The following ANO10 variants were observed in gnomAD, a reference collection of about 807,000 sequenced individuals.
ANO10 encodes the protein anoctamin 10.
A neutral mutation model predicts 74.7 loss-of-function variants in ANO10; 77 were observed. The observed-to-expected ratio is 1.03, with a 90% CI of 0.86 to 1.25. The LOEUF is 1.25. Ranked by LOEUF, ANO10 falls within the 50% of genes most tolerant of loss-of-function variation. The pLI is 0.00. For missense variants in ANO10, 721 were observed against 778.1 expected, an observed-to-expected ratio of 0.93 and a Z score of 0.87; for synonymous variants, 279 against 284.9, an observed-to-expected ratio of 0.98 and a Z score of 0.21.
chr3:43,671,839 TA>T lies in ANO10; in HGVS notation c.-12+19677del, dbSNP rs1160621669. On this transcript the variant is annotated intron_variant, in intron 1 of 3. Coordinates refer to the ANO10 transcript ENST00000413397. ...CCACCTGCAGCATAAGAAATTACATTAAATAAGAGACTTCACTAAGGAGAGA... is the reference window on the plus strand; with the variant it reads ...CCACCTGCAGCATAAGAAATTACATTAATAAGAGACTTCACTAAGGAGAGA... Among the ~76,000 whole-genome samples, 6 of 152,272 alleles carry T rather than the reference TA, an allele frequency of 3.9e-5. No individual in the cohort carries two copies. The Middle Eastern group carries it at 0.017, about 432-fold the overall frequency.
intron 1 of ANO10, among the ~76,000 whole-genome samples, chr3:43,685,180 T>G (rs145177864): frequency 2.4e-4 from 36 of 152,370 alleles, no homozygotes; most frequent in South Asian, 8.3e-4. Flanking sequence ...TTTGAATATG[T>G]TGGTAAGATC....
chr3:43,688,705 G>A (rs909825064), intron 1 of ANO10, among the ~76,000 whole-genome samples: 16 of 152,116 alleles, frequency 1.1e-4, no homozygotes, highest in African/African-American at 3.9e-4. Context: ...TTAGCTGGGC[G>A]TGGTGGCGGG....
At chr3:43,611,904 A>G (rs554019211) in intron 1 of ANO10, among the ~76,000 whole-genome samples, 1 of 152,132 alleles carries the variant, frequency 6.6e-6, no homozygotes, top group South Asian at 2.1e-4. Flanking sequence ...GGAATAGCCC[A>G]AACTTGCTGT....
intron 4 of ANO10, among the ~76,000 whole-genome samples, chr3:43,591,508 A>G (rs1027930231): frequency 2.0e-5 from 3 of 152,110 alleles, no homozygotes; most frequent in African/African-American, 7.2e-5. Context: ...ACTTGCCCCC[A>G]CCTTGGGAGC....
chr3:43,441,186 G>A (rs1390975597), intron 11 of ANO10, among the ~76,000 whole-genome samples: 1 of 148,320 alleles, frequency 6.7e-6, no homozygotes. Context: ...TAATAAAGAT[G>A]AGAACAAAAA....
chr3:43,647,029 A>G (rs1055830331), intron 1 of ANO10, among the ~76,000 whole-genome samples: 30 of 152,024 alleles, frequency 2.0e-4, no homozygotes, highest in African/African-American at 6.5e-4. Flanking sequence ...CGACCTTCCA[A>G]CTGTTAAGGT....
intron 12 of ANO10, among the ~76,000 whole-genome samples, chr3:43,380,934 C>T (rs1460510023): frequency 6.6e-6 from 1 of 152,188 alleles, no homozygotes; most frequent in Non-Finnish European, 1.5e-5. Context: ...AATTAACTCA[C>T]ATTTACGCAT....
chr3:43,683,593 T>G (rs1416374924), intron 1 of ANO10, among the ~76,000 whole-genome samples: 1 of 152,156 alleles, frequency 6.6e-6, no homozygotes, highest in Non-Finnish European at 1.5e-5. Context: ...AAAGTTCATA[T>G]GGAACCAAAA....
chr3:43,632,207 A>C (rs1246410902), intron 1 of ANO10, among the ~76,000 whole-genome samples: 10 of 152,124 alleles, frequency 6.6e-5, no homozygotes, highest in Admixed American at 2.6e-4. Context: ...GTCCACATCT[A>C]CCCTCTACCC....
At chr3:43,673,600 G>A (rs1044661800) in intron 1 of ANO10, among the ~76,000 whole-genome samples, 20 of 151,984 alleles carry the variant, frequency 1.3e-4, no homozygotes, top group Admixed American at 1.2e-3. Context: ...ATTTTGCCAT[G>A]GATTTACCAG....
intron 11 of ANO10, among the ~76,000 whole-genome samples, chr3:43,460,199 AGAACC>A: frequency 1.3e-5 from 2 of 152,218 alleles, no homozygotes; most frequent in Non-Finnish European, 2.9e-5. Context: ...ATTACAGCCT[AGAACC>A]CAGATGGAGG....
At chr3:43,482,170 C>T (rs898047577) in intron 11 of ANO10, among the ~76,000 whole-genome samples, 5 of 151,948 alleles carry the variant, frequency 3.3e-5, no homozygotes, top group South Asian at 2.1e-4. Flanking sequence ...CCTCGTGATC[C>T]GCCTGCCTTG....
At chr3:43,635,179 A>G (rs545728401) in intron 1 of ANO10, among the ~76,000 whole-genome samples, 1 of 152,196 alleles carries the variant, frequency 6.6e-6, no homozygotes, top group Admixed American at 6.5e-5. Context: ...CCTAATGCAA[A>G]AGAACAAGGA....
chr3:43,502,161 A>G (rs1354065822), intron 11 of ANO10, among the ~76,000 whole-genome samples: 1 of 152,238 alleles, frequency 6.6e-6, no homozygotes, highest in Non-Finnish European at 1.5e-5. Context: ...ACTTCTGGGT[A>G]TATATCTAAA....
intron 1 of ANO10, among the ~76,000 whole-genome samples, chr3:43,665,372 G>A (rs547318250): frequency 6.6e-6 from 1 of 152,176 alleles, no homozygotes; most frequent in East Asian, 1.9e-4. Flanking sequence ...CAGGGCCTGT[G>A]GGGGGTGGGC....
intron 1 of ANO10, among the ~76,000 whole-genome samples, chr3:43,638,310 C>T (rs539714956): frequency 2.0e-5 from 3 of 152,224 alleles, no homozygotes; most frequent in African/African-American, 7.2e-5. Flanking sequence ...TCACAATTTA[C>T]AAAAAGTTAA....
In ANO10 at chr3:43,559,608, T is replaced by C. The variant is rs747723535; in HGVS notation, c.1476+1612A>G. ...AAGTAGATACAAGAGTACCAGGTGATGGCTGGTGACAGAAGGCCTCCAAAG... is the reference window on the plus strand; with the variant it reads ...AAGTAGATACAAGAGTACCAGGTGACGGCTGGTGACAGAAGGCCTCCAAAG... On this transcript the variant is annotated intron_variant, in intron 9 of 12. Coordinates refer to ENST00000292246, the MANE Select transcript of ANO10 (RefSeq NM_018075.5). 1.3e-3 allele frequency among the ~76,000 whole-genome samples: 190 copies of C among 151,924 alleles called. 1 individual carries two copies. The highest frequency in any genetic ancestry group is 2.9e-3 in the Admixed American group (44 of 15,222).
At chr3:43,381,216 T>A (rs182724366) in intron 12 of ANO10, among the ~76,000 whole-genome samples, 1 of 152,242 alleles carries the variant, frequency 6.6e-6, no homozygotes, top group Non-Finnish European at 1.5e-5. Context: ...TCAACCCATG[T>A]CACTAATGTT....
intron 12 of ANO10, among the ~76,000 whole-genome samples, chr3:43,410,684 T>G (rs1413320835): frequency 6.6e-6 from 1 of 152,150 alleles, no homozygotes; most frequent in African/African-American, 2.4e-5. Flanking sequence ...GATATACCTT[T>G]TCAACCAGGG....
Sources: gnomAD v4.1 joint callset for allele counts (sites outside exome capture counted in the v4.1 genomes callset) on GRCh38, gnomAD v4.1.1 for gene constraint, MANE v1.5 for transcripts, NCBI Gene and HGNC (gene_info 2026-07-23, HGNC 2026-07-21) for gene names.